The following C2orf42 variants were observed in gnomAD, a reference collection of about 807,000 sequenced individuals.
The protein encoded by C2orf42 is uncharacterized protein C2orf42.
Under a neutral mutation model 58.9 loss-of-function variants are expected in C2orf42, and 44 were observed. The ratio of observed to expected loss-of-function variants is 0.75; its 90% CI spans 0.59 to 0.96. The LOEUF (loss-of-function observed/expected upper bound fraction) is 0.96. C2orf42 is among the 40% of genes least tolerant of loss of function. The probability of loss-of-function intolerance (pLI) is 0.00; values close to 1 mark genes in which losing one functional copy is unlikely to be tolerated. For missense variants in C2orf42, 630 were observed against 699.2 expected, an observed-to-expected ratio of 0.90 and a Z score of 1.12; for synonymous variants, 239 against 265.4, an observed-to-expected ratio of 0.90 and a Z score of 0.97.
intron 4 of C2orf42, 105 bp from the exon 5 acceptor site, chr2:70,175,882 C>T (rs1573015465): frequency 1.3e-6 from 1 of 759,464 alleles, no homozygotes; most frequent in East Asian, 2.5e-5. Context: ...TTGCTAATTT[C>T]TAGGTTAGCT....
intron 1 of C2orf42, among the ~76,000 whole-genome samples, chr2:70,189,261 C>T (rs1305593868): frequency 6.6e-6 from 1 of 151,190 alleles, no homozygotes; most frequent in East Asian, 1.9e-4. Context: ...ACAAAATTAG[C>T]CGGGCGTGGT....
At chr2:70,182,102 T>G in intron 2 of C2orf42, 105 bp from the exon 3 acceptor site, 1 of 633,652 alleles carries the variant, frequency 1.6e-6, no homozygotes, top group Non-Finnish European at 2.7e-6. Context: ...AAAAGCTATC[T>G]ACTATTTTTT....
At chr2:70,158,167 C>A (rs1672805243) in intron 9 of C2orf42, among the ~76,000 whole-genome samples, 1 of 151,014 alleles carries the variant, frequency 6.6e-6, no homozygotes, top group Non-Finnish European at 1.5e-5. Context: ...CTGCTGCACT[C>A]CAGCCTGAGC....
intron 5 of C2orf42, among the ~76,000 whole-genome samples, chr2:70,171,684 G>A (rs1478954944): frequency 6.6e-6 from 1 of 151,694 alleles, no homozygotes; most frequent in African/African-American, 2.4e-5. Flanking sequence ...GCTAATTTTT[G>A]TATTTTTAGT....
At chr2:70,176,654 A>G (rs907830638) in intron 4 of C2orf42, among the ~76,000 whole-genome samples, 1 of 152,016 alleles carries the variant, frequency 6.6e-6, no homozygotes, top group Non-Finnish European at 1.5e-5. Flanking sequence ...GTCTTGCTAT[A>G]TTGCCCAGGC....
chr2:70,180,008 T>C (rs570772943), intron 3 of C2orf42, among the ~76,000 whole-genome samples: 11 of 152,220 alleles, frequency 7.2e-5, no homozygotes, highest in African/African-American at 2.6e-4. Flanking sequence ...ATAAGTTCCT[T>C]GGGCCGGGTG....
At chr2:70,161,334 C>T (rs750628883) in intron 8 of C2orf42, among the ~76,000 whole-genome samples, 11 of 152,082 alleles carry the variant, frequency 7.2e-5, no homozygotes, top group African/African-American at 2.4e-4. Context: ...AATGAGGTGA[C>T]GGAGGTAAGT....
At chr2:70,171,120 A>C (rs1289578653) in intron 5 of C2orf42, among the ~76,000 whole-genome samples, 1 of 151,696 alleles carries the variant, frequency 6.6e-6, no homozygotes, top group Non-Finnish European at 1.5e-5. Context: ...ATCTCAAAAA[A>C]AAAAAATTAA....
chr2:70,151,923 C>A (rs187407854), intron 9 of C2orf42, among the ~76,000 whole-genome samples: 193 of 151,978 alleles, frequency 1.3e-3, no homozygotes, highest in Non-Finnish European at 2.3e-3. Flanking sequence ...ACTACAGGCA[C>A]GCACCACCAT....
chr2:70,169,604 G>A lies in C2orf42; in HGVS notation c.1097C>T (p.Ala366Val). Residue 366 changes from alanine to valine, a missense_variant, in exon 6 of 10, where the codon GCC becomes GTC. By Grantham distance (64) the Ala-to-Val change is moderately conservative. Coordinates refer to ENST00000264434, the MANE Select transcript of C2orf42 (RefSeq NM_017880.3). Reference sequence around the variant, plus strand: ...TTGATGGATGCGTTCTGTGACACTGGCCAGCCAGTCTTGGAAGGATAAAGT... The same window carrying A: ...TTGATGGATGCGTTCTGTGACACTGACCAGCCAGTCTTGGAAGGATAAAGT... ...QVTLSFQDWL[A>V]SVTERIHQTM... 2 of 1,610,940 alleles carry A rather than the reference G, an allele frequency of 1.2e-6. No homozygotes were observed. The highest frequency in any genetic ancestry group is 1.7e-6 in the Non-Finnish European group (2 of 1,177,328).
At chr2:70,172,156 G>A (rs994188476) in intron 5 of C2orf42, among the ~76,000 whole-genome samples, 1 of 149,246 alleles carries the variant, frequency 6.7e-6, no homozygotes, top group African/African-American at 2.5e-5. Flanking sequence ...CCCAGGAGGC[G>A]GAGGTTGCAG....
At chr2:70,171,554 A>G (rs1392920800) in intron 5 of C2orf42, among the ~76,000 whole-genome samples, 1 of 152,002 alleles carries the variant, frequency 6.6e-6, no homozygotes, top group African/African-American at 2.4e-5. Context: ...TCTGTTGCCC[A>G]GGCTAGAGTG....
At chr2:70,154,466 T>C (rs1341002890) in intron 9 of C2orf42, among the ~76,000 whole-genome samples, 1 of 99,226 alleles carries the variant, frequency 1.0e-5, no homozygotes, top group Non-Finnish European at 2.2e-5. Context: ...TTCTAAAATA[T>C]ATTATAAACC....
chr2:70,155,034 A>T (rs1001302674), intron 9 of C2orf42, among the ~76,000 whole-genome samples: 13 of 152,004 alleles, frequency 8.6e-5, no homozygotes, highest in Admixed American at 5.2e-4. Flanking sequence ...TCACAAGGTC[A>T]AGAGATCAAG....
intron 1 of C2orf42, among the ~76,000 whole-genome samples, chr2:70,183,262 C>A (rs1674695567): frequency 6.6e-6 from 1 of 151,886 alleles, no homozygotes; most frequent in Non-Finnish European, 1.5e-5. Context: ...CATAGTGAGA[C>A]CTCATTTCTA....
chr2:70,158,618 G>A (rs1174318054), intron 9 of C2orf42, among the ~76,000 whole-genome samples: 1 of 151,894 alleles, frequency 6.6e-6, no homozygotes, highest in Non-Finnish European at 1.5e-5. Flanking sequence ...CCCAGCTAAT[G>A]TTTTGCATTT....
intron 9 of C2orf42, among the ~76,000 whole-genome samples, chr2:70,154,414 TAAAAA>T (rs36028499): frequency 1.1e-3 from 27 of 25,596 alleles, no homozygotes; most frequent in African/African-American, 3.4e-3. Context: ...AAATTTTTAC[TAAAAA>T]AAAAAAAAAA....
intron 4 of C2orf42, among the ~76,000 whole-genome samples, chr2:70,177,144 C>T (rs1188425536): frequency 6.6e-6 from 1 of 151,872 alleles, no homozygotes; most frequent in East Asian, 1.9e-4. Flanking sequence ...TGGTGGCGAG[C>T]ACCTGTAATC....
At chr2:70,185,853 G>A (rs1415041092) in intron 1 of C2orf42, among the ~76,000 whole-genome samples, 1 of 151,070 alleles carries the variant, frequency 6.6e-6, no homozygotes, top group African/African-American at 2.4e-5. Flanking sequence ...TGCATAGCAG[G>A]GTTTCTCCAC....
Sources: allele counts gnomAD v4.1 joint callset (sites outside exome capture counted in the v4.1 genomes callset), GRCh38; gene constraint gnomAD v4.1.1; transcripts MANE v1.5; gene names NCBI Gene and HGNC (gene_info 2026-07-23, HGNC 2026-07-21).